Variants in HOGA1 observed in about 807,000 individuals in gnomAD.
HOGA1 encodes the protein 4-hydroxy-2-oxoglutarate aldolase, mitochondrial.
A neutral mutation model predicts 34.3 loss-of-function variants in HOGA1; 30 were observed. That is an observed-to-expected ratio of 0.87 (90% CI 0.65 to 1.19). HOGA1 has a LOEUF of 1.19. HOGA1 is among the 50% of genes most tolerant of loss of function. The pLI is 0.00. For synonymous variants in HOGA1, 161 were observed against 174.0 expected, an observed-to-expected ratio of 0.93 and a Z score of 0.59; for missense variants, 417 against 436.5, an observed-to-expected ratio of 0.96 and a Z score of 0.40.
At chr10:97,594,188 TTTTTTG>T (rs2041050959) in intron 1 of HOGA1, among the ~76,000 whole-genome samples, 1 of 139,532 alleles carries the variant, frequency 7.2e-6, no homozygotes. Flanking sequence ...TTTTTTTTTT[TTTTTTG>T]AGACAGAGTC....
In HOGA1 at chr10:97,584,813, G is replaced by A. The variant is rs772722925; in HGVS notation, c.110G>A (p.Gly37Asp). ...SGEGKKVDIA[G>D]IYPPVTTPFT... ...GAGGGGAAGAAGGTGGACATTGCGG[G>A]TATCTACCCCCCTGTGACCACCCCC... is the stretch of plus-strand genomic sequence containing the variant. The change falls in exon 1 of 7, where the codon GGT becomes GAT. Residue 37 changes from glycine to aspartate, a missense_variant. By Grantham distance (94) the Gly-to-Asp change is moderately conservative (BLOSUM62 -1). Transcript: ENST00000370646. 3 of 1,614,058 alleles carry A rather than the reference G, an allele frequency of 1.9e-6. No homozygotes were observed. Among genetic ancestry groups the A allele is most frequent in the South Asian group, 2.2e-5 (2 of 91,074 alleles).
chr10:97,611,585 G>A lies in HOGA1; in HGVS notation c.910G>A (p.Ala304Thr), dbSNP rs116527624. 1.2e-4 allele frequency: 189 copies of A among 1,614,180 alleles called. No individual in the cohort carries two copies. The highest frequency in any genetic ancestry group is 3.1e-4 in the East Asian group (14 of 44,880). Reference sequence around the variant, plus strand: ...TGGCTACTATGGAGGCCCCTGCCGCGCCCCCTTGCAGGAGCTGAGCCCCGC... The same window carrying A: ...TGGCTACTATGGAGGCCCCTGCCGCACCCCCTTGCAGGAGCTGAGCCCCGC... ...WFGYYGGPCR[A>T]PLQELSPAEE... The change falls in exon 7 of 7, where the codon GCC (alanine) becomes ACC (threonine). Residue 304 changes from alanine to threonine, a missense_variant. Ala to Thr is a moderately conservative substitution (Grantham distance 58, BLOSUM62 0). Coordinates refer to ENST00000370646, the MANE Select transcript of HOGA1 (RefSeq NM_138413.4).
intron 1 of HOGA1, among the ~76,000 whole-genome samples, chr10:97,595,216 C>CCTAA (rs1297429854): frequency 1.3e-5 from 2 of 152,156 alleles, no homozygotes; most frequent in Admixed American, 6.5e-5. Context: ...TACACCCACT[C>CCTAA]CTAATATCAC....
At chr10:97,602,816 G>A (rs187754577) in intron 6 of HOGA1, among the ~76,000 whole-genome samples, 135 of 152,150 alleles carry the variant, frequency 8.9e-4, no homozygotes, top group Non-Finnish European at 1.3e-3. Flanking sequence ...GAATAACAGA[G>A]ATTACACGTG....
chr10:97,610,495 A>G (rs1345855465), intron 6 of HOGA1, among the ~76,000 whole-genome samples: 3 of 147,914 alleles, frequency 2.0e-5, no homozygotes, highest in African/African-American at 7.6e-5. Flanking sequence ...ATAAAAATAA[A>G]TAAATTATTA....
chr10:97,591,649 G>A (rs553965494), intron 1 of HOGA1, among the ~76,000 whole-genome samples: 7 of 151,800 alleles, frequency 4.6e-5, no homozygotes, highest in Admixed American at 4.6e-4. Context: ...TTTGAGACAG[G>A]GTTTCACTCC....
In HOGA1 at chr10:97,601,851, G is replaced by C. The variant is rs1297190888; in HGVS notation, c.701-6G>C. ...TGGCTGATGTTCTGCGTCTTACTTC[G>C]TGCAGGAGCTGTGGGGGGCGTCTGC... On this transcript the variant is annotated splice_polypyrimidine_tract_variant and splice_region_variant and intron_variant, in intron 5 of 6. Coordinates refer to ENST00000370646, the MANE Select transcript of HOGA1 (RefSeq NM_138413.4). 1.2e-6 allele frequency: 2 copies of C among 1,611,478 alleles called. No individual in the cohort carries two copies. Among genetic ancestry groups the C allele is most frequent in the East Asian group, 2.2e-5 (1 of 44,880 alleles).
At chr10:97,589,729 T>C (rs575431469) in intron 1 of HOGA1, 2 of 620,512 alleles carry the variant, frequency 3.2e-6, no homozygotes, top group Admixed American at 2.8e-5. Flanking sequence ...TCAGACATCC[T>C]TGGGGAGCCT....
chr10:97,593,468 C>T (rs927415511), intron 1 of HOGA1, among the ~76,000 whole-genome samples: 183 of 151,982 alleles, frequency 1.2e-3, no homozygotes, highest in African/African-American at 4.3e-3. Flanking sequence ...CAGAGCCAGA[C>T]TCTGTCTCAA....
At chr10:97,585,093 G>A (rs998134087) in intron 1 of HOGA1, among the ~76,000 whole-genome samples, 179 bp downstream of exon 1, 1 of 152,192 alleles carries the variant, frequency 6.6e-6, no homozygotes, top group Non-Finnish European at 1.5e-5. Flanking sequence ...CAGGCAGGAA[G>A]CTCCACGCTG....
chr10:97,607,064 G>A (rs2041162836), intron 6 of HOGA1, among the ~76,000 whole-genome samples: 1 of 146,188 alleles, frequency 6.8e-6, no homozygotes, highest in Admixed American at 7.0e-5. Context: ...GAGGCCAGGA[G>A]TTTGAGACCC....
intron 6 of HOGA1, among the ~76,000 whole-genome samples, chr10:97,608,936 A>G (rs1016847495): frequency 1.3e-5 from 2 of 152,064 alleles, no homozygotes; most frequent in South Asian, 2.1e-4. Context: ...GCACTCCACA[A>G]TATTTTGTTT....
intron 6 of HOGA1, among the ~76,000 whole-genome samples, chr10:97,605,775 T>A (rs146663181): frequency 6.6e-6 from 1 of 152,192 alleles, no homozygotes; most frequent in East Asian, 1.9e-4. Context: ...CATTTTGAAA[T>A]TGGATTGTTC....
chr10:97,602,030 G>A (rs778057467), intron 6 of HOGA1, 40 bp downstream of exon 6: 1 of 1,585,880 alleles, frequency 6.3e-7, no homozygotes, highest in African/African-American at 1.3e-5. Context: ...GGCGGGGGGT[G>A]GGCAGTCTGT....
At chr10:97,607,004 T>C (rs1439302060) in intron 6 of HOGA1, among the ~76,000 whole-genome samples, 1 of 151,650 alleles carries the variant, frequency 6.6e-6, no homozygotes, top group Non-Finnish European at 1.5e-5. Flanking sequence ...GCAGAGTGGC[T>C]CACGCCTATA....
chr10:97,607,625 C>G (rs1371962307), intron 6 of HOGA1, among the ~76,000 whole-genome samples: 1 of 152,100 alleles, frequency 6.6e-6, no homozygotes, highest in Non-Finnish European at 1.5e-5. Flanking sequence ...TCTCTGCCTT[C>G]CAGAGTCTTC....
chr10:97,589,665 C>A, intron 1 of HOGA1: 1 of 338,994 alleles, frequency 2.9e-6, no homozygotes, highest in Non-Finnish European at 5.7e-6. Context: ...CAATGGGGTT[C>A]ATTGTTGAGG....
intron 6 of HOGA1, among the ~76,000 whole-genome samples, chr10:97,609,558 G>C (rs1476157197): frequency 6.6e-6 from 1 of 152,082 alleles, no homozygotes; most frequent in Non-Finnish European, 1.5e-5. Context: ...CAGACACCCC[G>C]AGAACAGCTT....
At chr10:97,588,155 G>A (rs573348752) in intron 1 of HOGA1, among the ~76,000 whole-genome samples, 7 of 149,064 alleles carry the variant, frequency 4.7e-5, no homozygotes, top group Admixed American at 2.0e-4. Flanking sequence ...TTGCTAATTT[G>A]TACTGATTAT....
Sources: gnomAD v4.1 joint callset for allele counts (sites outside exome capture counted in the v4.1 genomes callset) on GRCh38, gnomAD v4.1.1 for gene constraint, MANE v1.5 for transcripts, NCBI Gene and HGNC (gene_info 2026-07-23, HGNC 2026-07-21) for gene names.